The following FBP2 variants were observed in gnomAD, a reference collection of about 807,000 sequenced individuals.
FBP2 encodes fructose-bisphosphatase 2.
A neutral mutation model predicts 31.6 loss-of-function variants in FBP2; 27 were observed. That is an observed-to-expected ratio of 0.85 (90% confidence interval 0.63 to 1.18). FBP2 has a LOEUF of 1.18. Among genes scored for constraint, FBP2 ranks in the 50% most tolerant of loss-of-function variants. The probability of loss-of-function intolerance (pLI) is 0.00; values close to 1 mark genes in which losing one functional copy is unlikely to be tolerated. For missense variants in FBP2, 421 were observed against 436.1 expected (o/e 0.97, Z 0.31); for synonymous variants, 168 against 179.8 (o/e 0.93, Z 0.53).
In FBP2 at chr9:94,564,927, A is replaced by G. The variant is rs142334273; in HGVS notation, c.706-1466T>C. Among the ~76,000 whole-genome samples, 590 of 152,298 alleles carry G rather than the reference A, an allele frequency of 3.9e-3. 4 individuals are homozygous for G. The highest frequency in any genetic ancestry group is 6.7e-3 in the Non-Finnish European group (458 of 68,018). On this transcript the variant is annotated intron_variant, in intron 5 of 6. Coordinates refer to ENST00000375337, the MANE Select transcript of FBP2 (RefSeq NM_003837.4). ...ATATGACATATTTTCAAAAAGCTAG[A>G]AGGAGGATATTGAATGTTCCCAACA...
chr9:94,582,751 T>C (rs1264234846), intron 3 of FBP2, among the ~76,000 whole-genome samples: 3 of 151,862 alleles, frequency 2.0e-5, no homozygotes, highest in South Asian at 2.1e-4. Context: ...GGTTTCACCA[T>C]GTTAGCCAGG....
rs114935846 is a variant in FBP2 at position 94,590,147 on chromosome 9, A to T, written c.171-2678T>A. Among the ~76,000 whole-genome samples the T allele has an allele frequency of 7.9e-3, 1,206 of 151,996 alleles. 21 individuals carry two copies. Among genetic ancestry groups the T allele is most frequent in the African/African-American group, 0.028 (1,158 of 41,436 alleles). ...AGAAAGAATGGAAACTCACCAGGAG[A>T]TGTGAGTTCCCGGCAATAGCTTCAC... is the stretch of plus-strand genomic sequence containing the variant. On this transcript the variant is annotated intron_variant, in intron 1 of 6. Transcript: ENST00000375337.
At chr9:94,562,725 T>C (rs1564179437) in intron 6 of FBP2, among the ~76,000 whole-genome samples, 1 of 152,204 alleles carries the variant, frequency 6.6e-6, no homozygotes, top group East Asian at 1.9e-4. Context: ...CTCTGCAAGA[T>C]AGCTGGATCA....
At chr9:94,585,180 T>C (rs1056133106) in intron 2 of FBP2, among the ~76,000 whole-genome samples, 1 of 152,196 alleles carries the variant, frequency 6.6e-6, no homozygotes, top group Non-Finnish European at 1.5e-5. Context: ...TTGTTTCTGT[T>C]TTTTTTCCTT....
At chr9:94,561,903 G>A (rs1035329209) in intron 6 of FBP2, among the ~76,000 whole-genome samples, 19 of 152,212 alleles carry the variant, frequency 1.2e-4, no homozygotes, top group African/African-American at 4.3e-4. Context: ...ACATGAGTAT[G>A]TGATCCCATG....
intron 4 of FBP2, chr9:94,568,236 C>T (rs776538804): frequency 3.3e-5 from 5 of 152,054 alleles, no homozygotes; most frequent in Non-Finnish European, 4.4e-5. Flanking sequence ...AAGAGGAAGC[C>T]GCTTTCATCA....
intron 1 of FBP2, among the ~76,000 whole-genome samples, chr9:94,589,960 C>T (rs1424310800): frequency 2.0e-5 from 3 of 152,184 alleles, no homozygotes; most frequent in Non-Finnish European, 4.4e-5. Flanking sequence ...TCTGAATGCG[C>T]TTGCCACTGG....
At chr9:94,569,953 CG>C (rs1409480534) in intron 4 of FBP2, 2 of 152,218 alleles carry the variant, frequency 1.3e-5, no homozygotes, top group East Asian at 3.8e-4. Context: ...AAGCTACCTC[CG>C]CTGGATGTCA....
At chr9:94,582,349 T>TGCGC (rs756283692) in intron 3 of FBP2, among the ~76,000 whole-genome samples, 4 of 86,420 alleles carry the variant, frequency 4.6e-5, no homozygotes, top group African/African-American at 1.8e-4. Context: ...TGTGTGTGTG[T>TGCGC]GCGTGTGTGT....
intron 1 of FBP2, 37 bp from the exon 2 acceptor site, chr9:94,587,506 G>A (rs754665978): frequency 8.7e-6 from 14 of 1,607,876 alleles, no homozygotes; most frequent in East Asian, 2.2e-5. Flanking sequence ...AAGTCACTAG[G>A]GGGTCTTAAC....
chr9:94,579,134 T>C (rs1332744502), intron 3 of FBP2, among the ~76,000 whole-genome samples: 1 of 145,778 alleles, frequency 6.9e-6, no homozygotes, highest in Non-Finnish European at 1.5e-5. Flanking sequence ...CACGGTGGCT[T>C]ATGCCTGTAA....
At chr9:94,586,402 TA>T (rs1191733701) in intron 2 of FBP2, among the ~76,000 whole-genome samples, 2 of 151,640 alleles carry the variant, frequency 1.3e-5, no homozygotes, top group Admixed American at 6.6e-5. Context: ...AATAAATAAG[TA>T]AATAAATAAA....
intron 3 of FBP2, among the ~76,000 whole-genome samples, chr9:94,578,504 T>A (rs1325864531): frequency 1.3e-5 from 2 of 152,088 alleles, no homozygotes; most frequent in African/African-American, 2.4e-5. Flanking sequence ...TTATTTTAAA[T>A]TAAATAATAA....
intron 1 of FBP2, among the ~76,000 whole-genome samples, chr9:94,589,195 C>G (rs933046053): frequency 1.3e-5 from 2 of 152,142 alleles, no homozygotes; most frequent in African/African-American, 4.8e-5. Context: ...ACCACTACAG[C>G]AAGGCTCAGC....
chr9:94,571,377 C>T, intron 4 of FBP2, 85 bp downstream of exon 4: 2 of 1,350,138 alleles, frequency 1.5e-6, no homozygotes, highest in South Asian at 3.5e-5. Flanking sequence ...TAGGAATAAC[C>T]AGGACATTAT....
chr9:94,566,283 T>A (rs1055186254), intron 5 of FBP2, among the ~76,000 whole-genome samples: 1 of 152,276 alleles, frequency 6.6e-6, no homozygotes, highest in Non-Finnish European at 1.5e-5. Flanking sequence ...CATGATGGTC[T>A]TAATGCCCAC....
intron 1 of FBP2, among the ~76,000 whole-genome samples, chr9:94,588,513 C>G (rs1827454934): frequency 1.3e-5 from 2 of 152,188 alleles, no homozygotes; most frequent in Non-Finnish European, 2.9e-5. Flanking sequence ...GTCCCAGCTA[C>G]TTTGGAGGCT....
intron 5 of FBP2, among the ~76,000 whole-genome samples, 175 bp from the exon 6 acceptor site, chr9:94,563,636 C>T (rs1044614774): frequency 6.6e-6 from 1 of 152,140 alleles, no homozygotes; most frequent in African/African-American, 2.4e-5. Flanking sequence ...ATTATGAGCT[C>T]CTCAAACCTT....
chr9:94,571,094 A>G (rs1587841031), intron 4 of FBP2, among the ~76,000 whole-genome samples: 1 of 152,214 alleles, frequency 6.6e-6, no homozygotes. Flanking sequence ...GGAGCATTCT[A>G]CTGGATGGTG....
Sources: gnomAD v4.1 joint callset for allele counts (sites outside exome capture counted in the v4.1 genomes callset) on GRCh38, gnomAD v4.1.1 for gene constraint, MANE v1.5 for transcripts, NCBI Gene and HGNC (gene_info 2026-07-23, HGNC 2026-07-21) for gene names.